ARHGAP28: variants seen among roughly 807,000 people sequenced by gnomAD.
ARHGAP28 encodes the protein Rho GTPase activating protein 28.
Under a neutral mutation model 90.7 loss-of-function variants are expected in ARHGAP28, and 56 were observed. That is an observed-to-expected ratio of 0.62 (90% CI 0.50 to 0.77). ARHGAP28 has a LOEUF of 0.77. Among genes scored for constraint, ARHGAP28 ranks in the 30% least tolerant of loss-of-function variants. The pLI is 0.00. For synonymous variants in ARHGAP28, 308 were observed against 323.3 expected (o/e 0.95, Z 0.51); for missense variants, 869 against 900.9 (o/e 0.96, Z 0.45).
intron 1 of ARHGAP28, among the ~76,000 whole-genome samples, chr18:6,822,702 TA>T (rs1332710503): frequency 1.3e-5 from 2 of 152,202 alleles, no homozygotes; most frequent in African/African-American, 4.8e-5. Flanking sequence ...ATAAATTGGC[TA>T]TCTTGGTGTC....
intron 1 of ARHGAP28, among the ~76,000 whole-genome samples, chr18:6,751,000 T>C (rs372163452): frequency 3.3e-5 from 5 of 152,224 alleles, no homozygotes; most frequent in African/African-American, 1.2e-4. Context: ...AATTATGATG[T>C]TACTCCTCTG....
intron 1 of ARHGAP28, among the ~76,000 whole-genome samples, chr18:6,816,496 C>T (rs760930260): frequency 4.6e-5 from 7 of 152,222 alleles, no homozygotes; most frequent in South Asian, 2.1e-4. Flanking sequence ...TCAGTATCCA[C>T]GGGAATTTCT....
chr18:6,912,078 CAGATGCTTATATATTGGATGTATATCGTA>C lies in ARHGAP28; in HGVS notation c.2115_2143del (p.Asp706LysfsTer9), dbSNP rs779313852. 25 of 1,604,150 alleles carry C rather than the reference CAGATGCTTATATATTGGATGTATATCGTA, an allele frequency of 1.6e-5. No homozygotes were observed. The highest frequency in any genetic ancestry group is 8.5e-6 in the Non-Finnish European group (10 of 1,173,904). On this transcript the variant is annotated frameshift_variant, in exon 18 of 18. Transcript: ENST00000383472. LOFTEE classifies it high-confidence loss of function. The stretch of plus-strand genomic sequence containing the variant: ...CTTTTAGGAGAGCATTGCTTGGATC[CAGATGCTTATATATTGGATGTATATCGTA>C]TAAATCCTCAAGCAGAATGGGTGAT...
At chr18:6,872,201 G>A (rs896760655) in intron 7 of ARHGAP28, among the ~76,000 whole-genome samples, 1 of 152,188 alleles carries the variant, frequency 6.6e-6, no homozygotes, top group Non-Finnish European at 1.5e-5. Context: ...TCCTTCTGAG[G>A]TTTGGCTCTT....
intron 1 of ARHGAP28, among the ~76,000 whole-genome samples, chr18:6,798,227 CTT>C (rs1290603931): frequency 2.0e-5 from 3 of 152,236 alleles, no homozygotes; most frequent in Admixed American, 6.5e-5. Flanking sequence ...GAGTTTCTCT[CTT>C]GTCACCTGGT....
chr18:6,739,060 A>G (rs1264588439), intron 1 of ARHGAP28, among the ~76,000 whole-genome samples: 2 of 152,226 alleles, frequency 1.3e-5, no homozygotes, highest in Non-Finnish European at 2.9e-5. Flanking sequence ...CTGTTTTGTG[A>G]CACAGGAAGA....
At chr18:6,876,785 T>C (rs2057134364) in intron 10 of ARHGAP28, among the ~76,000 whole-genome samples, 1 of 152,214 alleles carries the variant, frequency 6.6e-6, no homozygotes, top group South Asian at 2.1e-4. Context: ...AATGTTAACA[T>C]CCACATCTAA....
At position 6,851,125 on chromosome 18, in the gene ARHGAP28, T is replaced by C. The variant is rs983928279; in HGVS notation, c.635T>C (p.Met212Thr). 3.7e-6 allele frequency: 6 copies of C among 1,613,880 alleles called. No individual in the cohort carries two copies. The highest frequency in any genetic ancestry group is 5.1e-6 in the Non-Finnish European group (6 of 1,179,822). Reference sequence around the variant, plus strand: ...AGAGTTATCAAGACAAGTGGTTCCATGGTAAGTTATAGTTGTGGGGGGATG... The same window carrying C: ...AGAGTTATCAAGACAAGTGGTTCCACGGTAAGTTATAGTTGTGGGGGGATG... Reference protein sequence around the residue: ...LPRVIKTSGSMPDDASLNSTT... With the variant: ...LPRVIKTSGSTPDDASLNSTT... The change falls in exon 4 of 18, where the codon ATG becomes ACG. Residue 212 changes from methionine (M) to threonine (T), a missense_variant and splice_region_variant. Coordinates refer to ENST00000383472, the MANE Select transcript of ARHGAP28 (RefSeq NM_001366230.1).
intron 10 of ARHGAP28, among the ~76,000 whole-genome samples, chr18:6,881,421 T>C (rs2057176929): frequency 6.6e-6 from 1 of 152,210 alleles, no homozygotes; most frequent in African/African-American, 2.4e-5. Flanking sequence ...GAGTTTGCCT[T>C]TGAAAAGAAA....
chr18:6,837,437 C>A, intron 3 of ARHGAP28, 23 bp downstream of exon 3: 2 of 1,226,556 alleles, frequency 1.6e-6, no homozygotes, highest in South Asian at 1.2e-5. Flanking sequence ...TCAAACATGG[C>A]TCAAAAGGCG....
At chr18:6,847,476 T>C (rs2056874786) in intron 3 of ARHGAP28, among the ~76,000 whole-genome samples, 1 of 152,100 alleles carries the variant, frequency 6.6e-6, no homozygotes. Context: ...CCTCTGTGAG[T>C]AGATTTTTAA....
chr18:6,811,680 T>A (rs1216315983), intron 1 of ARHGAP28, among the ~76,000 whole-genome samples: 11 of 152,136 alleles, frequency 7.2e-5, no homozygotes, highest in Admixed American at 4.6e-4. Flanking sequence ...TACTACAATG[T>A]ATTTAGTTTC....
rs538513410 is a variant in ARHGAP28 at position 6,809,561 on chromosome 18, C to T, written c.123-15201C>T. On this transcript the variant is annotated intron_variant, in intron 1 of 17. Coordinates refer to ENST00000383472, the MANE Select transcript of ARHGAP28 (RefSeq NM_001366230.1). ...GGGCAGAAGGTGAAGGGGAAGCAGG[C>T]ACATATTTACATGGCCAGCAGGAGA... Among the ~76,000 whole-genome samples, 11 of 152,158 alleles carry T rather than the reference C, an allele frequency of 7.2e-5. 1 individual carries two copies. The highest frequency in any genetic ancestry group is 5.9e-4 in the Admixed American group (9 of 15,290).
intron 1 of ARHGAP28, among the ~76,000 whole-genome samples, chr18:6,759,331 C>G (rs1284943394): frequency 1.3e-5 from 2 of 152,134 alleles, no homozygotes; most frequent in Non-Finnish European, 2.9e-5. Flanking sequence ...GGAAATTCTG[C>G]TTTTCACTTA....
intron 1 of ARHGAP28, among the ~76,000 whole-genome samples, chr18:6,780,033 C>G (rs183803796): frequency 6.6e-6 from 1 of 152,296 alleles, no homozygotes; most frequent in Non-Finnish European, 1.5e-5. Context: ...AGAAGAGGTC[C>G]AGGTGCTTCC....
chr18:6,907,092 A>G (rs2057368362), intron 16 of ARHGAP28, among the ~76,000 whole-genome samples: 1 of 152,234 alleles, frequency 6.6e-6, no homozygotes, highest in African/African-American at 2.4e-5. Context: ...AATGGAAATT[A>G]AAACCACAAT....
At chr18:6,865,660 G>A (rs189832045) in intron 5 of ARHGAP28, among the ~76,000 whole-genome samples, 24 of 152,244 alleles carry the variant, frequency 1.6e-4, no homozygotes, top group Non-Finnish European at 2.8e-4. Flanking sequence ...AAAATGTTTC[G>A]TATGGTCTTT....
intron 2 of ARHGAP28, chr18:6,836,189 G>A (rs2056752287): frequency 6.6e-6 from 1 of 152,300 alleles, no homozygotes; most frequent in South Asian, 2.1e-4. Context: ...AGACACAGAG[G>A]AGGCAACTCA....
intron 2 of ARHGAP28, 89 bp downstream of exon 2, chr18:6,825,053 C>T: frequency 1.7e-6 from 2 of 1,170,108 alleles, no homozygotes; most frequent in Non-Finnish European, 1.2e-6. Flanking sequence ...ATCATCCCAC[C>T]AATAGTTTAA....
Sources: allele counts gnomAD v4.1 joint callset (sites outside exome capture counted in the v4.1 genomes callset), GRCh38; gene constraint gnomAD v4.1.1; transcripts MANE v1.5; gene names NCBI Gene and HGNC (gene_info 2026-07-23, HGNC 2026-07-21).